The following TACR1 variants were observed in gnomAD, a reference collection of about 807,000 sequenced individuals.
TACR1 encodes substance-P receptor.
TACR1 carries 25 observed loss-of-function variants against 35.8 expected under a neutral mutation model. The observed-to-expected ratio is 0.70, with a 90% confidence interval of 0.51 to 0.98. The LOEUF (loss-of-function observed/expected upper bound fraction) is 0.98. Ranked by LOEUF, TACR1 falls within the 50% of genes least tolerant of loss-of-function variation. The pLI, the probability that TACR1 is intolerant of heterozygous loss-of-function variation, is 0.00. For missense variants in TACR1, 478 were observed against 522.9 expected, an observed-to-expected ratio of 0.91 and a Z score of 0.84; for synonymous variants, 195 against 206.7, an observed-to-expected ratio of 0.94 and a Z score of 0.48.
rs575118653 is a variant in TACR1 at position 75,194,125 on chromosome 2, C to G, written c.389+4421G>C. 1.2e-4 allele frequency among the ~76,000 whole-genome samples: 18 copies of G among 152,302 alleles called. No homozygotes were observed. In the East Asian group the frequency reaches 3.5e-3, roughly 29 times the overall value. On this transcript the variant is annotated intron_variant, in intron 1 of 4. Transcript: ENST00000305249. ...TCCAGTTTTTTAAAAAAGTAACACC[C>G]TTGACCATTCAGGACACTGCAGGCT...
intron 1 of TACR1, among the ~76,000 whole-genome samples, chr2:75,136,587 T>C (rs1308759886): frequency 2.6e-5 from 4 of 152,306 alleles, no homozygotes; most frequent in Non-Finnish European, 4.4e-5. Flanking sequence ...CAGCAAAGCC[T>C]ATCCCCTCTG....
chr2:75,185,834 C>T lies in TACR1; in HGVS notation c.389+12712G>A, dbSNP rs1344456410. ...ACAACTTTTCTTCTAAGAATTTATC[C>T]TAATAATCATCCATGTGCGCTAGTT... On this transcript the variant is annotated intron_variant, in intron 1 of 4. Coordinates refer to ENST00000305249, the MANE Select transcript of TACR1 (RefSeq NM_001058.4). Among the ~76,000 whole-genome samples, 3 of 152,106 alleles carry T rather than the reference C, an allele frequency of 2.0e-5. No individual in the cohort carries two copies. In the East Asian group the frequency reaches 5.8e-4, roughly 29 times the overall value.
intron 1 of TACR1, among the ~76,000 whole-genome samples, chr2:75,180,827 T>C (rs1675543290): frequency 6.6e-6 from 1 of 152,246 alleles, no homozygotes; most frequent in East Asian, 1.9e-4. Flanking sequence ...GGTCATGTGG[T>C]TGTTTGTTAC....
intron 1 of TACR1, among the ~76,000 whole-genome samples, chr2:75,131,430 A>G (rs1198972977): frequency 6.6e-6 from 1 of 152,104 alleles, no homozygotes; most frequent in African/African-American, 2.4e-5. Context: ...CATAGATTCA[A>G]AGTTTTTGGA....
chr2:75,196,565 G>A (rs1198532112), intron 1 of TACR1, among the ~76,000 whole-genome samples: 2 of 152,102 alleles, frequency 1.3e-5, no homozygotes, highest in African/African-American at 4.8e-5. Flanking sequence ...ACAGAGGGTC[G>A]GGGCTCTGCG....
At chr2:75,182,898 T>A (rs1245306575) in intron 1 of TACR1, among the ~76,000 whole-genome samples, 2 of 152,242 alleles carry the variant, frequency 1.3e-5, no homozygotes, top group Non-Finnish European at 2.9e-5. Context: ...GCATTAATGT[T>A]CTTTACTAGC....
At chr2:75,157,982 A>C (rs749411980) in intron 1 of TACR1, among the ~76,000 whole-genome samples, 3 of 152,260 alleles carry the variant, frequency 2.0e-5, no homozygotes, top group African/African-American at 4.8e-5. Flanking sequence ...ATATGCACAC[A>C]TGAGTTTGGG....
In TACR1 at chr2:75,048,811, G is replaced by A. The variant is rs993837074; in HGVS notation, c.*621C>T. Reference sequence around the variant, plus strand: ...GCGTCGGCTGCTCAGGACAGTCACCGGGGACATAATGTGGAAGCCCGAGGT... The same window carrying A: ...GCGTCGGCTGCTCAGGACAGTCACCAGGGACATAATGTGGAAGCCCGAGGT... On this transcript the variant is annotated 3_prime_UTR_variant, in exon 5 of 5. Transcript: ENST00000305249. The A allele has an allele frequency of 3.3e-5, 5 of 152,428 alleles. No homozygotes were observed. Among genetic ancestry groups the A allele is most frequent in the South Asian group, 2.1e-4 (1 of 4,806 alleles). 9.4% of individuals were successfully genotyped at this position (152,428 alleles called of 1,614,324 possible). A position where few individuals can be genotyped will look rare whatever the true frequency, so the allele number is the denominator to read the frequency against.
At chr2:75,054,749 A>C (rs1672539267) in intron 2 of TACR1, among the ~76,000 whole-genome samples, 1 of 152,098 alleles carries the variant, frequency 6.6e-6, no homozygotes, top group African/African-American at 2.4e-5. Context: ...AATTCCTAAT[A>C]ATAATAATAA....
chr2:75,148,633 A>G (rs953949955), intron 1 of TACR1, among the ~76,000 whole-genome samples: 13 of 152,100 alleles, frequency 8.5e-5, no homozygotes, highest in African/African-American at 2.9e-4. Flanking sequence ...CCTTTGTCAG[A>G]TGGGTAGATT....
At chr2:75,131,420 C>G (rs1481534847) in intron 1 of TACR1, among the ~76,000 whole-genome samples, 1 of 152,096 alleles carries the variant, frequency 6.6e-6, no homozygotes, top group Non-Finnish European at 1.5e-5. Context: ...AAATTCAACT[C>G]ATAGATTCAA....
At chr2:75,070,251 G>T (rs1256012458) in intron 2 of TACR1, among the ~76,000 whole-genome samples, 1 of 98,580 alleles carries the variant, frequency 1.0e-5, no homozygotes, top group South Asian at 3.8e-4. Context: ...GTGTGTGTGT[G>T]TATGTGTGTG....
intron 1 of TACR1, among the ~76,000 whole-genome samples, chr2:75,125,616 A>C (rs1052466797): frequency 3.3e-5 from 5 of 152,222 alleles, no homozygotes; most frequent in Non-Finnish European, 7.3e-5. Context: ...GGCACATAGC[A>C]GTGGCTTCAT....
intron 2 of TACR1, among the ~76,000 whole-genome samples, chr2:75,086,934 G>T (rs1290690086): frequency 6.6e-6 from 1 of 152,074 alleles, no homozygotes; most frequent in Non-Finnish European, 1.5e-5. Flanking sequence ...CTTCAATCTG[G>T]TAAGAGAAAT....
chr2:75,084,210 T>C (rs1572919657), intron 2 of TACR1, among the ~76,000 whole-genome samples: 1 of 152,242 alleles, frequency 6.6e-6, no homozygotes, highest in Non-Finnish European at 1.5e-5. Context: ...ATTGGTTCTG[T>C]TTATATGCTG....
At chr2:75,099,094 T>C (rs1041021446) in intron 2 of TACR1, among the ~76,000 whole-genome samples, 2 of 152,006 alleles carry the variant, frequency 1.3e-5, no homozygotes, top group Non-Finnish European at 2.9e-5. Context: ...GCTGTCACTC[T>C]CCAGCCTCCT....
At chr2:75,108,695 A>G (rs1673695915) in intron 2 of TACR1, among the ~76,000 whole-genome samples, 1 of 152,130 alleles carries the variant, frequency 6.6e-6, no homozygotes, top group Non-Finnish European at 1.5e-5. Flanking sequence ...AGACAAAATC[A>G]TTATTTATAG....
At chr2:75,193,141 A>G (rs1182423905) in intron 1 of TACR1, among the ~76,000 whole-genome samples, 1 of 151,794 alleles carries the variant, frequency 6.6e-6, no homozygotes, top group Non-Finnish European at 1.5e-5. Flanking sequence ...AGTCTTTCCC[A>G]TATTCCCAAG....
chr2:75,166,113 A>T (rs1315996394), intron 1 of TACR1, among the ~76,000 whole-genome samples: 2 of 152,238 alleles, frequency 1.3e-5, no homozygotes, highest in Non-Finnish European at 2.9e-5. Flanking sequence ...GCAATCATAT[A>T]GGCACATTGC....
Sources: gnomAD v4.1 joint callset for allele counts (sites outside exome capture counted in the v4.1 genomes callset) on GRCh38, gnomAD v4.1.1 for gene constraint, MANE v1.5 for transcripts, NCBI Gene and HGNC (gene_info 2026-07-23, HGNC 2026-07-21) for gene names.